The following GSG1L variants were observed in gnomAD, a reference collection of about 807,000 sequenced individuals.
GSG1L encodes the protein GSG1 like.
Under a neutral mutation model 42.1 loss-of-function variants are expected in GSG1L, and 24 were observed. The observed-to-expected ratio is 0.57, with a 90% CI of 0.41 to 0.80. The LOEUF (loss-of-function observed/expected upper bound fraction) is 0.80. Ranked by LOEUF, GSG1L falls within the 30% of genes least tolerant of loss-of-function variation. GSG1L has a pLI of 0.00. For missense variants in GSG1L, 445 were observed against 472.2 expected (o/e 0.94, Z 0.53); for synonymous variants, 215 against 203.5 (o/e 1.06, Z -0.48).
At chr16:27,908,751 T>C (rs552058564) in intron 2 of GSG1L, among the ~76,000 whole-genome samples, 1 of 152,176 alleles carries the variant, frequency 6.6e-6, no homozygotes, top group Non-Finnish European at 1.5e-5. Context: ...AGGCCAAAAC[T>C]CTAACACCGT....
intron 1 of GSG1L, among the ~76,000 whole-genome samples, chr16:27,971,742 C>G (rs954986586): frequency 6.6e-6 from 1 of 152,094 alleles, no homozygotes; most frequent in Non-Finnish European, 1.5e-5. Context: ...GGGATGCATT[C>G]ATTTTTGTAC....
chr16:27,846,131 T>C (rs536531675), intron 3 of GSG1L, among the ~76,000 whole-genome samples: 1 of 152,320 alleles, frequency 6.6e-6, no homozygotes, highest in Non-Finnish European at 1.5e-5. Context: ...AGTCCCATAA[T>C]TACATGGGTG....
intron 3 of GSG1L, among the ~76,000 whole-genome samples, chr16:27,875,359 C>A (rs1023093505): frequency 2.6e-5 from 4 of 152,136 alleles, no homozygotes; most frequent in African/African-American, 9.7e-5. Flanking sequence ...CTCGTCAATA[C>A]TCCCTTTAAT....
intron 2 of GSG1L, among the ~76,000 whole-genome samples, chr16:27,946,914 T>C (rs1168009902): frequency 1.3e-5 from 2 of 152,180 alleles, no homozygotes; most frequent in African/African-American, 4.8e-5. Context: ...ACTCCTCACA[T>C]GGATCATCCC....
intron 2 of GSG1L, among the ~76,000 whole-genome samples, chr16:27,899,501 G>C (rs1044376293): frequency 1.3e-5 from 2 of 152,178 alleles, no homozygotes; most frequent in African/African-American, 4.8e-5. Flanking sequence ...AGGATCGCCT[G>C]AGCCCAGGAG....
chr16:28,045,673 A>G (rs1482780549), intron 1 of GSG1L, among the ~76,000 whole-genome samples: 1 of 151,660 alleles, frequency 6.6e-6, no homozygotes, highest in Non-Finnish European at 1.5e-5. Flanking sequence ...ACGAAACTCC[A>G]TCTCAAATAA....
At chr16:27,874,441 C>CTTTTTTTTTTTTTTTTTTTTTTTT (rs71140916) in intron 3 of GSG1L, among the ~76,000 whole-genome samples, 3 of 94,474 alleles carry the variant, frequency 3.2e-5, no homozygotes, top group African/African-American at 1.1e-4. Flanking sequence ...ACAGGAGAGC[C>CTTTTTTTTTTTTTTTTTTTTTTTT]TTTTTTTTTT....
At chr16:28,008,642 C>T (rs1567554067) in intron 1 of GSG1L, among the ~76,000 whole-genome samples, 2 of 152,192 alleles carry the variant, frequency 1.3e-5, no homozygotes, top group Non-Finnish European at 2.9e-5. Context: ...CACCTCCCTT[C>T]CTGCCCACCA....
intron 2 of GSG1L, among the ~76,000 whole-genome samples, chr16:27,952,758 ACTTTT>A (rs1335679440): frequency 3.9e-5 from 6 of 152,254 alleles, no homozygotes; most frequent in Non-Finnish European, 2.9e-5. Flanking sequence ...CATAGGAAAC[ACTTTT>A]CTTTCCTTTT....
intron 3 of GSG1L, among the ~76,000 whole-genome samples, chr16:27,857,907 C>A (rs1180236609): frequency 6.6e-6 from 1 of 151,988 alleles, no homozygotes; most frequent in Non-Finnish European, 1.5e-5. Flanking sequence ...GGGCCCTGAT[C>A]GGCAGAGACA....
At chr16:27,797,645 A>G (rs2144400658) in intron 6 of GSG1L, among the ~76,000 whole-genome samples, 1 of 151,370 alleles carries the variant, frequency 6.6e-6, no homozygotes, top group Non-Finnish European at 1.5e-5. Context: ...ACACGCTGAA[A>G]CCCCATCTCT....
Position 28,040,473 on chromosome 16 carries a change from A to G in GSG1L, c.349+22603T>C, listed in dbSNP as rs1596723806. Among the ~76,000 whole-genome samples, 2 of 152,334 alleles carry G rather than the reference A, an allele frequency of 1.3e-5. No homozygotes were observed. Among genetic ancestry groups the G allele is most frequent in the East Asian group, 1.9e-4 (1 of 5,192 alleles). ...CCCCAGAATTAATTACGAATTCGGAAGAGTAGAGACCCCATCTTGTTCACC... is the reference window on the plus strand; with the variant it reads ...CCCCAGAATTAATTACGAATTCGGAGGAGTAGAGACCCCATCTTGTTCACC... On this transcript the variant is annotated intron_variant, in intron 1 of 6. Transcript: ENST00000447459. The surrounding 1 kb of genome is among the most constrained non-coding windows in gnomAD (Gnocchi z 4.1).
intron 2 of GSG1L, among the ~76,000 whole-genome samples, chr16:27,919,660 G>A (rs1476758379): frequency 6.6e-6 from 1 of 152,190 alleles, no homozygotes; most frequent in Non-Finnish European, 1.5e-5. Context: ...TGGACCGTGT[G>A]CCCAGCCTTG....
intron 1 of GSG1L, among the ~76,000 whole-genome samples, chr16:27,966,348 T>A (rs2085133531): frequency 6.6e-6 from 1 of 152,024 alleles, no homozygotes; most frequent in Non-Finnish European, 1.5e-5. Flanking sequence ...TACAAAAAAA[T>A]TTAAAAATTA....
chr16:28,063,161 G>A lies in GSG1L; in HGVS notation c.264C>T (p.Ser88=). The part of the protein sequence containing the change: ...GNGPPGGALY[S]WETGDDRFLF... The stretch of plus-strand genomic sequence containing the variant: ...GGAAGCGGTCGTCGCCGGTCTCCCA[G>A]CTGTAGAGCGCGCCGCCAGGGGGGC... The change falls in exon 1 of 7, where the codon AGC becomes AGT. Residue 88 remains serine (S), a synonymous_variant. Coordinates refer to ENST00000447459, the MANE Select transcript of GSG1L (RefSeq NM_001109763.2). This position sits in a 1 kb window ranked among gnomAD's most constrained non-coding sequence, Gnocchi z 5.8. The A allele has an allele frequency of 7.3e-7, 1 of 1,369,144 alleles. No homozygotes were observed. The highest frequency in any genetic ancestry group is 9.5e-7 in the Non-Finnish European group (1 of 1,053,864). The allele number at this position is 1,369,144 out of a possible 1,614,324, so 84.8% of individuals were successfully genotyped here.
intron 1 of GSG1L, among the ~76,000 whole-genome samples, chr16:27,970,679 G>A (rs2085185292): frequency 6.6e-6 from 1 of 151,914 alleles, no homozygotes; most frequent in Admixed American, 6.5e-5. Flanking sequence ...TGGGATTACA[G>A]GCATAAGCCA....
At chr16:27,862,426 A>C (rs1174015557) in intron 3 of GSG1L, among the ~76,000 whole-genome samples, 3 of 152,250 alleles carry the variant, frequency 2.0e-5, no homozygotes, top group Non-Finnish European at 4.4e-5. Flanking sequence ...AGGGGAACTC[A>C]GCTCTGGCCA....
chr16:27,798,983 T>C (rs1170118544), intron 6 of GSG1L, among the ~76,000 whole-genome samples: 2 of 152,140 alleles, frequency 1.3e-5, no homozygotes, highest in Non-Finnish European at 2.9e-5. Context: ...CTAAGTGAGC[T>C]AAATCATGCA....
At chr16:27,825,590 G>A (rs769361954) in intron 5 of GSG1L, among the ~76,000 whole-genome samples, 1 of 152,190 alleles carries the variant, frequency 6.6e-6, no homozygotes, top group Non-Finnish European at 1.5e-5. Context: ...AAGCCCAGGA[G>A]GTCGAGGCTG....
Sources: gnomAD v4.1 joint callset for allele counts (sites outside exome capture counted in the v4.1 genomes callset) on GRCh38, gnomAD v4.1.1 for gene constraint, Gnocchi (gnomAD v3.1) non-coding constraint, MANE v1.5 for transcripts, NCBI Gene and HGNC (gene_info 2026-07-23, HGNC 2026-07-21) for gene names.